Variants in SIL1 observed in about 807,000 individuals in gnomAD.
The protein encoded by SIL1 is SIL1 nucleotide exchange factor, also known as nucleotide exchange factor SIL1.
Under a neutral mutation model 49.1 loss-of-function variants are expected in SIL1, and 40 were observed. The observed-to-expected ratio is 0.81, with a 90% confidence interval of 0.63 to 1.06. SIL1 has a LOEUF of 1.06. Ranked by LOEUF, SIL1 falls within the 50% of genes least tolerant of loss-of-function variation. SIL1 has a pLI of 0.00. For synonymous variants in SIL1, 253 were observed against 250.8 expected (o/e 1.01, Z -0.08); for missense variants, 500 against 572.6 (o/e 0.87, Z 1.29).
At chr5:139,143,344 C>CATATATATAT (rs1314250793) in intron 1 of SIL1, among the ~76,000 whole-genome samples, 25 of 97,502 alleles carry the variant, frequency 2.6e-4, no homozygotes, top group African/African-American at 9.3e-4. Context: ...CACACACACA[C>CATATATATAT]ATATATATAT....
chr5:139,020,721 G>A (rs1768501955), intron 7 of SIL1, among the ~76,000 whole-genome samples: 1 of 152,188 alleles, frequency 6.6e-6, no homozygotes, highest in African/African-American at 2.4e-5. Context: ...ACCTAGAGAG[G>A]GCGATAATCT....
At chr5:139,011,204 C>T (rs1768260601) in intron 7 of SIL1, among the ~76,000 whole-genome samples, 3 of 147,776 alleles carry the variant, frequency 2.0e-5, no homozygotes, top group Non-Finnish European at 3.0e-5. Flanking sequence ...GCGCAATATT[C>T]GGGTGGGAGT....
At chr5:139,015,974 G>GC (rs747458375) in intron 7 of SIL1, among the ~76,000 whole-genome samples, 1 of 152,176 alleles carries the variant, frequency 6.6e-6, no homozygotes, top group Non-Finnish European at 1.5e-5. Context: ...TGTAATCCCA[G>GC]CCACTCAGAA....
intron 3 of SIL1, among the ~76,000 whole-genome samples, chr5:139,088,232 T>A (rs901210806): frequency 6.6e-6 from 1 of 152,246 alleles, no homozygotes. Context: ...GCTGACTAAG[T>A]GCCCTTTCCT....
intron 1 of SIL1, among the ~76,000 whole-genome samples, chr5:139,163,861 T>C (rs1443156939): frequency 6.6e-6 from 1 of 152,134 alleles, no homozygotes; most frequent in Non-Finnish European, 1.5e-5. Context: ...AATTCACGCC[T>C]ATAATTCCAG....
At chr5:139,164,759 G>C (rs1353805605) in intron 1 of SIL1, among the ~76,000 whole-genome samples, 1 of 152,218 alleles carries the variant, frequency 6.6e-6, no homozygotes, top group Non-Finnish European at 1.5e-5. Context: ...GAAGATGGTA[G>C]AGTAGAAAGC....
chr5:138,960,561 G>A (rs1355534677), intron 7 of SIL1, among the ~76,000 whole-genome samples: 1 of 152,008 alleles, frequency 6.6e-6, no homozygotes, highest in Non-Finnish European at 1.5e-5. Context: ...ACGTAGCTGG[G>A]ACTACAGACA....
chr5:139,012,847 C>T (rs1312542972), intron 7 of SIL1: 2 of 152,190 alleles, frequency 1.3e-5, no homozygotes, highest in East Asian at 3.8e-4. Flanking sequence ...GGAGCATATG[C>T]CTGTGGTCTC....
intron 3 of SIL1, among the ~76,000 whole-genome samples, chr5:139,099,084 T>C (rs1415533031): frequency 6.6e-6 from 1 of 152,126 alleles, no homozygotes; most frequent in East Asian, 1.9e-4. Context: ...CCCAAAGTGC[T>C]GGGATTACAG....
chr5:139,140,312 G>A (rs954658549), intron 1 of SIL1, among the ~76,000 whole-genome samples: 15 of 151,464 alleles, frequency 9.9e-5, no homozygotes, highest in African/African-American at 3.4e-4. Flanking sequence ...GTAATAATGA[G>A]CTAGGCAATA....
intron 1 of SIL1, among the ~76,000 whole-genome samples, chr5:139,143,304 T>TACACACACACACAC (rs1351115706): frequency 4.1e-5 from 3 of 73,014 alleles, no homozygotes; most frequent in African/African-American, 2.2e-4. Flanking sequence ...TATATACATA[T>TACACACACACACAC]ATACACACAC....
At chr5:139,070,175 A>G (rs1561850445) in intron 3 of SIL1, among the ~76,000 whole-genome samples, 1 of 152,234 alleles carries the variant, frequency 6.6e-6, no homozygotes, top group Non-Finnish European at 1.5e-5. Context: ...AACTATTTTC[A>G]GTAATCATAT....
At chr5:139,147,800 T>A (rs1042081151) in intron 1 of SIL1, among the ~76,000 whole-genome samples, 7 of 152,338 alleles carry the variant, frequency 4.6e-5, no homozygotes, top group African/African-American at 1.7e-4. Context: ...GTCAACAAAA[T>A]CACACTTTAA....
intron 3 of SIL1, among the ~76,000 whole-genome samples, chr5:139,085,072 G>A (rs575857588): frequency 6.6e-6 from 1 of 152,222 alleles, no homozygotes; most frequent in South Asian, 2.1e-4. Context: ...CCATTGCAAT[G>A]GATATAAAAG....
intron 7 of SIL1, among the ~76,000 whole-genome samples, chr5:138,962,645 A>G (rs2150386165): frequency 6.6e-6 from 1 of 152,372 alleles, no homozygotes; most frequent in South Asian, 2.1e-4. Flanking sequence ...CTTTTCTGCT[A>G]AGACAGAATG....
At chr5:138,958,245 T>C (rs1261541266) in intron 7 of SIL1, among the ~76,000 whole-genome samples, 1 of 152,222 alleles carries the variant, frequency 6.6e-6, no homozygotes, top group African/African-American at 2.4e-5. Context: ...AGTTTGGATT[T>C]GTCCAATGTG....
chr5:139,050,183 C>T (rs1769256383), intron 4 of SIL1, among the ~76,000 whole-genome samples: 1 of 152,118 alleles, frequency 6.6e-6, no homozygotes, highest in East Asian at 1.9e-4. Flanking sequence ...AAGCAGGGAG[C>T]AGTCCCAATA....
At chr5:139,107,875 T>C (rs1308814585) in intron 3 of SIL1, 4 of 152,266 alleles carry the variant, frequency 2.6e-5, no homozygotes, top group Admixed American at 6.5e-5. Context: ...GCATTATTAC[T>C]ACCCCTATTT....
At chr5:139,092,601 C>T (rs980828287) in intron 3 of SIL1, among the ~76,000 whole-genome samples, 1 of 152,134 alleles carries the variant, frequency 6.6e-6, no homozygotes, top group Non-Finnish European at 1.5e-5. Context: ...TCAGAGAACA[C>T]CACAGGTATG....
Sources: allele counts gnomAD v4.1 joint callset (sites outside exome capture counted in the v4.1 genomes callset), GRCh38; gene constraint gnomAD v4.1.1; transcripts MANE v1.5; gene names NCBI Gene and HGNC (gene_info 2026-07-23, HGNC 2026-07-21).